RHOT2: variants seen among roughly 807,000 people sequenced by gnomAD.
RHOT2 encodes mitochondrial Rho GTPase 2.
Under a neutral mutation model 81.6 loss-of-function variants are expected in RHOT2, and 90 were observed. That is an observed-to-expected ratio of 1.10 (90% CI 0.93 to 1.31). RHOT2 has a LOEUF of 1.31. Ranked by LOEUF, RHOT2 falls within the 40% of genes most tolerant of loss-of-function variation. The probability of loss-of-function intolerance (pLI) is 0.00; values close to 1 mark genes in which losing one functional copy is unlikely to be tolerated. For synonymous variants in RHOT2, 512 were observed against 370.9 expected, an observed-to-expected ratio of 1.38 and a Z score of -4.37; for missense variants, 1,014 against 841.9, an observed-to-expected ratio of 1.20 and a Z score of -2.53.
At chr16:672,652 C>G in intron 16 of RHOT2, 51 bp from the exon 17 acceptor site, 1 of 1,611,428 alleles carries the variant, frequency 6.2e-7, no homozygotes. Context: ...CAGCATGGCC[C>G]TAGGGGGACC....
Position 670,610 on chromosome 16 carries a change from C to T in RHOT2, c.540+53C>T, listed in dbSNP as rs1011145585. On this transcript the variant is annotated intron_variant, in intron 8 of 18. Transcript: ENST00000315082. ...TGGTTCCCCAGGGGCCCAGGGGGTG[C>T]TGGGTGGGGCGGTGTGGCAGGTCGG... 10 of 1,600,106 alleles carry T rather than the reference C, an allele frequency of 6.2e-6. No individual in the cohort carries two copies. In the East Asian group the frequency reaches 2.2e-4, roughly 36 times the overall value.
At position 672,126 on chromosome 16, in the gene RHOT2, AGGCTACCTG is replaced by A. The variant is rs1489779412; in HGVS notation, c.1148_1156del (p.Leu383_Tyr385del). 6.2e-7 allele frequency: 1 copy of A among 1,612,276 alleles called. No homozygotes were observed. The highest frequency in any genetic ancestry group is 8.5e-7 in the Non-Finnish European group (1 of 1,179,878). ...ACGTCCGGAGCTGCCTTGGACACCTAGGCTACCTGGGCTACCCCACCCTCTGTGAGCAGG... is the reference window on the plus strand; with the variant it reads ...ACGTCCGGAGCTGCCTTGGACACCTAGGCTACCCCACCCTCTGTGAGCAGG... On this transcript the variant is annotated inframe_deletion, in exon 14 of 19. Transcript: ENST00000315082.
rs1404578705 is a variant in RHOT2, at chr16:670,748, G to A, written c.614G>A (p.Ser205Asn). 1.2e-6 allele frequency: 2 copies of A among 1,612,350 alleles called. No individual in the cohort carries two copies. Among genetic ancestry groups the A allele is most frequent in the Non-Finnish European group, 8.5e-7 (1 of 1,179,944 alleles). ...LSDQDLDQALSDEELNAFQKS... is the reference protein window; with the variant it reads ...LSDQDLDQALNDEELNAFQKS... ...GATCAGGACCTGGACCAGGCGCTCA[G>A]TGACGAAGAGCTCAACGCTTTCCAG... Residue 205 changes from serine (S) to asparagine (N), a missense_variant, in exon 9 of 19, where the codon AGT becomes AAT. Coordinates refer to ENST00000315082, the MANE Select transcript of RHOT2 (RefSeq NM_138769.3).
Position 672,802 on chromosome 16 carries a change from G to A in RHOT2, c.1504G>A (p.Ala502Thr), listed in dbSNP as rs1390598764. 2 of 1,612,646 alleles carry A rather than the reference G, an allele frequency of 1.2e-6. No homozygotes were observed. Among genetic ancestry groups the A allele is most frequent in the Non-Finnish European group, 1.7e-6 (2 of 1,179,990 alleles). The change falls in exon 17 of 19, where the codon GCA (alanine) becomes ACA (threonine). Residue 502 changes from alanine (A) to threonine (T), a missense_variant. By Grantham distance (58) the Ala-to-Thr change is moderately conservative. Transcript: ENST00000315082. ...MFDGSDPKSF[A>T]HCASVYKHHY... ...TGATGGCAGTGACCCAAAGTCCTTT[G>A]CACATTGTGCCAGCGTCTACAAGGT...
chr16:673,759 C>CATAAGGCCCCGCTGCA lies in RHOT2; in HGVS notation c.*153_*154insATAAGGCCCCGCTGCA. 1 of 959,106 alleles carries CATAAGGCCCCGCTGCA rather than the reference C, an allele frequency of 1.0e-6. No homozygotes were observed. The highest frequency in any genetic ancestry group is 1.5e-6 in the Non-Finnish European group (1 of 659,460). 59.4% of individuals were successfully genotyped at this position (959,106 alleles called of 1,614,324 possible). A position where few individuals can be genotyped will look rare whatever the true frequency, so the allele number is the denominator to read the frequency against. ...GTTTCTGAAGGCAGTCGATCTGCAG[C>CATAAGGCCCCGCTGCA]GGGGCCTTATGCTGCCATGCACTGC... On this transcript the variant is annotated 3_prime_UTR_variant, in exon 19 of 19. Transcript: ENST00000315082.
intron 18 of RHOT2, 156 bp downstream of exon 18, chr16:673,286 C>T (rs1247165978): frequency 1.0e-5 from 12 of 1,175,038 alleles, no homozygotes; most frequent in African/African-American, 9.1e-5. Context: ...GCCAGAGTGG[C>T]GGGGTGGAGC....
rs145956607 is a variant in RHOT2, at chr16:673,706, C to T, written c.*100C>T. On this transcript the variant is annotated 3_prime_UTR_variant, in exon 19 of 19. Coordinates refer to ENST00000315082, the MANE Select transcript of RHOT2 (RefSeq NM_138769.3). ...TGGGGTGCAGGCCAGGCTGCCACTC[C>T]GGGAACGCCTTTGCGCCGGGACTTT... 163 of 1,444,462 alleles carry T rather than the reference C, an allele frequency of 1.1e-4. No homozygotes were observed. The African/African-American group carries it at 1.5e-3, about 13-fold the overall frequency. 89.5% of individuals were successfully genotyped at this position (1,444,462 alleles called of 1,614,324 possible). A position where few individuals can be genotyped will look rare whatever the true frequency, so the allele number is the denominator to read the frequency against.
rs376648501 is a variant in RHOT2 at position 669,621 on chromosome 16, C to G, written c.276+15C>G. ...CCATTGAGAAGGTGAGCCCTCAGTG[C>G]AGACCCCAACAGCAGAGACACAGTG... On this transcript the variant is annotated intron_variant, in intron 5 of 18. Coordinates refer to ENST00000315082, the MANE Select transcript of RHOT2 (RefSeq NM_138769.3). 2 of 1,610,448 alleles carry G rather than the reference C, an allele frequency of 1.2e-6. No individual in the cohort carries two copies. Among genetic ancestry groups the G allele is most frequent in the Non-Finnish European group, 1.7e-6 (2 of 1,179,332 alleles).
chr16:672,102 C>G lies in RHOT2; in HGVS notation c.1116C>G (p.Asp372Glu), dbSNP rs376703464. The change falls in exon 14 of 19, where the codon GAC (aspartate) becomes GAG (glutamate). Residue 372 changes from aspartate (D) to glutamate (E), a missense_variant. Physicochemically the swap from Asp to Glu is conservative, Grantham distance 45. Coordinates refer to ENST00000315082, the MANE Select transcript of RHOT2 (RefSeq NM_138769.3). ...LCQWTLVTYLDVRSCLGHLGY... is the reference protein window; with the variant it reads ...LCQWTLVTYLEVRSCLGHLGY... The stretch of plus-strand genomic sequence containing the variant: ...CCCCCAGCCTGGTGACCTACCTGGA[C>G]GTCCGGAGCTGCCTTGGACACCTAG... The G allele has an allele frequency of 3.3e-5, 53 of 1,612,532 alleles. 2 individuals carry two copies. In the South Asian group the frequency reaches 4.6e-4, roughly 14 times the overall value.
rs1472178740 is a variant in RHOT2, at chr16:672,165, G to A, written c.1179G>A (p.Gln393=). Residue 393 remains glutamine, a synonymous_variant, in exon 14 of 19, where the codon CAG becomes CAA. Coordinates refer to ENST00000315082, the MANE Select transcript of RHOT2 (RefSeq NM_138769.3). ...ACCCCACCCTCTGTGAGCAGGACCA[G>A]GCCCATGCCATCACAGGTAGGCACC... is the stretch of plus-strand genomic sequence containing the variant. The part of the protein sequence containing the change: ...LGYPTLCEQD[Q]AHAITVTREK... 14 of 1,612,708 alleles carry A rather than the reference G, an allele frequency of 8.7e-6. No homozygotes were observed. The highest frequency in any genetic ancestry group is 1.7e-5 in the Admixed American group (1 of 60,022).
At chr16:672,619 A>G in intron 16 of RHOT2, 53 bp downstream of exon 16, 1 of 1,609,838 alleles carries the variant, frequency 6.2e-7, no homozygotes, top group Non-Finnish European at 8.5e-7. Context: ...GGGGACACCC[A>G]GGCCTGCCTG....
At position 670,300 on chromosome 16, in the gene RHOT2, C is replaced by G. The variant is rs774343527; in HGVS notation, c.381C>G (p.Ser127=). 5.0e-6 allele frequency: 8 copies of G among 1,612,832 alleles called. No individual in the cohort carries two copies. In the South Asian group the frequency reaches 8.8e-5, roughly 18 times the overall value. The part of the protein sequence containing the change: ...GNKSDLRSGS[S]MEAVLPIMSQ... ...AGTCAGACCTGCGGTCGGGGAGCTC[C>G]ATGGAGGCCGTGCTCCCCATCATGA... is the stretch of plus-strand genomic sequence containing the variant. Residue 127 remains serine (S), a synonymous_variant, in exon 7 of 19, where the codon TCC becomes TCG. Coordinates refer to ENST00000315082, the MANE Select transcript of RHOT2 (RefSeq NM_138769.3).
At position 671,798 on chromosome 16, in the gene RHOT2, TCCCCTG is replaced by T. The variant is rs57412393; in HGVS notation, c.954+28_954+33del. The T allele has an allele frequency of 1.3e-5, 20 of 1,562,904 alleles. No individual in the cohort carries two copies. The highest frequency in any genetic ancestry group is 1.7e-4 in the Middle Eastern group (1 of 5,880). ...CACGACCAGGTGAGAGCATGGCGAG[TCCCCTG>T]CCCCTGCCCCCGCCCCCTCCCCGGC... On this transcript the variant is annotated intron_variant, in intron 12 of 18. Coordinates refer to ENST00000315082, the MANE Select transcript of RHOT2 (RefSeq NM_138769.3).
At chr16:668,327 C>G (rs904227535) in intron 1 of RHOT2, 26 bp from the exon 2 acceptor site, 9 of 1,379,910 alleles carry the variant, frequency 6.5e-6, no homozygotes, top group African/African-American at 6.1e-5. Context: ...CCTTGGCCCT[C>G]GCGCTGACCG....
Position 672,135 on chromosome 16 carries a change from G to C in RHOT2, c.1149G>C (p.Leu383=), listed in dbSNP as rs1381094242. The change falls in exon 14 of 19, where the codon CTG becomes CTC. Residue 383 remains leucine (L), a synonymous_variant. Transcript: ENST00000315082. ...GCTGCCTTGGACACCTAGGCTACCT[G>C]GGCTACCCCACCCTCTGTGAGCAGG... The part of the protein sequence containing the change: ...VRSCLGHLGY[L]GYPTLCEQDQ... 2.5e-6 allele frequency: 4 copies of C among 1,612,530 alleles called. No individual in the cohort carries two copies. Among genetic ancestry groups the C allele is most frequent in the Non-Finnish European group, 3.4e-6 (4 of 1,179,938 alleles).
intron 12 of RHOT2, 36 bp from the exon 13 acceptor site, chr16:671,824 C>T: frequency 1.2e-6 from 2 of 1,604,766 alleles, no homozygotes; most frequent in Non-Finnish European, 1.7e-6. Flanking sequence ...CCGCCCCCTC[C>T]CCGGCACACA....
intron 5 of RHOT2, chr16:669,853 C>G (rs554654533): frequency 4.9e-6 from 3 of 612,470 alleles, no homozygotes; most frequent in South Asian, 2.0e-5. Flanking sequence ...TCCAAACCCC[C>G]GGGGGGGGAC....
Position 673,102 on chromosome 16 carries a change from A to G in RHOT2, c.1702A>G (p.Thr568Ala). The change falls in exon 18 of 19, where the codon ACC becomes GCC. Residue 568 changes from threonine (T) to alanine (A), a missense_variant. By Grantham distance (58) the Thr-to-Ala change is moderately conservative. Coordinates refer to ENST00000315082, the MANE Select transcript of RHOT2 (RefSeq NM_138769.3). ...AGCCGAGCCCAGCACCACCATCTTC[A>G]CCCAGCTCGCCACCATGGCCGCCTT... Reference protein sequence around the residue: ...GPAEPSTTIFTQLATMAAFPH... With the variant: ...GPAEPSTTIFAQLATMAAFPH... The G allele has an allele frequency of 6.2e-7, 1 of 1,611,102 alleles. No homozygotes were observed. Among genetic ancestry groups the G allele is most frequent in the Non-Finnish European group, 8.5e-7 (1 of 1,179,810 alleles).
intron 12 of RHOT2, 23 bp downstream of exon 12, chr16:671,804 G>GGCCCCGCC: frequency 2.5e-6 from 4 of 1,592,492 alleles, no homozygotes; most frequent in Non-Finnish European, 2.6e-6. Flanking sequence ...CGAGTCCCCT[G>GGCCCCGCC]CCCCTGCCCC....
Sources: gnomAD v4.1 joint callset for allele counts on GRCh38, gnomAD v4.1.1 for gene constraint, MANE v1.5 for transcripts, NCBI Gene and HGNC (gene_info 2026-07-23, HGNC 2026-07-21) for gene names.